The following HIPK2 variants were observed in gnomAD, a reference collection of about 807,000 sequenced individuals.
HIPK2 encodes homeodomain interacting protein kinase 2.
Under a neutral mutation model 113.7 loss-of-function variants are expected in HIPK2, and 27 were observed. The ratio of observed to expected loss-of-function variants is 0.24; its 90% CI spans 0.17 to 0.33. HIPK2 has a LOEUF of 0.33. HIPK2 is among the 10% of genes least tolerant of loss of function. The pLI, the probability that HIPK2 is intolerant of heterozygous loss-of-function variation, is 1.00. For synonymous variants in HIPK2, 631 were observed against 642.2 expected (o/e 0.98, Z 0.26); for missense variants, 1,257 against 1,588.0 (o/e 0.79, Z 3.54).
intron 1 of HIPK2, among the ~76,000 whole-genome samples, chr7:139,749,501 G>A (rs1181378925): frequency 3.3e-5 from 5 of 152,204 alleles, no homozygotes; most frequent in Non-Finnish European, 7.3e-5. Flanking sequence ...TTACCCTGCT[G>A]GAAAATGCAG....
At chr7:139,682,157 C>T (rs1802724950) in intron 2 of HIPK2, among the ~76,000 whole-genome samples, 1 of 152,164 alleles carries the variant, frequency 6.6e-6, no homozygotes, top group Non-Finnish European at 1.5e-5. Context: ...GAAGGAAAAC[C>T]CCCTCTATTG....
intron 1 of HIPK2, among the ~76,000 whole-genome samples, chr7:139,749,650 G>C (rs889575895): frequency 1.3e-5 from 2 of 152,182 alleles, no homozygotes; most frequent in Non-Finnish European, 2.9e-5. Flanking sequence ...TATTATCCTC[G>C]TTTGCTGGGA....
intron 13 of HIPK2, among the ~76,000 whole-genome samples, chr7:139,577,366 G>C (rs1471143805): frequency 6.6e-6 from 1 of 152,054 alleles, no homozygotes; most frequent in African/African-American, 2.4e-5. Context: ...GGCCAGGCTG[G>C]TCTCAAACTC....
intron 13 of HIPK2, among the ~76,000 whole-genome samples, chr7:139,577,186 T>C (rs1798521180): frequency 6.7e-6 from 1 of 148,812 alleles, no homozygotes; most frequent in Non-Finnish European, 1.5e-5. Flanking sequence ...TTCACTCTTG[T>C]TGCCCAGGCT....
chr7:139,720,168 C>T (rs942194676), intron 1 of HIPK2, among the ~76,000 whole-genome samples: 9 of 152,218 alleles, frequency 5.9e-5, no homozygotes, highest in African/African-American at 2.2e-4. Flanking sequence ...CCTGGCATGC[C>T]TTTGCTGCTT....
chr7:139,613,096 A>C lies in HIPK2; in HGVS notation c.2112+106T>G. The C allele has an allele frequency of 7.5e-7, 1 of 1,328,674 alleles. No individual in the cohort carries two copies. The highest frequency in any genetic ancestry group is 1.0e-6 in the Non-Finnish European group (1 of 962,408). 82.3% of individuals were successfully genotyped at this position (1,328,674 alleles called of 1,614,324 possible). A position where few individuals can be genotyped will look rare whatever the true frequency, so the allele number is the denominator to read the frequency against. On this transcript the variant is annotated intron_variant, in intron 9 of 14. Coordinates refer to ENST00000406875, the MANE Select transcript of HIPK2 (RefSeq NM_022740.5). The surrounding 1 kb of genome is among the most constrained non-coding windows in gnomAD (Gnocchi z 4.2). ...CAGATACATTCCAATGACTAGAAGC[A>C]CCTAACTCATTACTAGGGAGAGAGG...
At chr7:139,586,408 T>C (rs1463531454) in intron 12 of HIPK2, among the ~76,000 whole-genome samples, 1 of 152,060 alleles carries the variant, frequency 6.6e-6, no homozygotes, top group Non-Finnish European at 1.5e-5. Context: ...ACGACCCGAG[T>C]GTCCATCAGC....
intron 2 of HIPK2, among the ~76,000 whole-genome samples, chr7:139,636,924 C>T (rs73156864): frequency 0.048 from 7,280 of 152,284 alleles, 254 homozygotes; most frequent in Admixed American, 0.12. Flanking sequence ...CAATTCCACA[C>T]GTCTAGAAGG....
intron 1 of HIPK2, among the ~76,000 whole-genome samples, chr7:139,728,702 C>T (rs1585429023): frequency 1.3e-5 from 2 of 152,106 alleles, no homozygotes; most frequent in East Asian, 3.8e-4. Context: ...CACAATTCAA[C>T]CCATAACAAT....
chr7:139,775,037 G>A (rs189328949), intron 1 of HIPK2, among the ~76,000 whole-genome samples: 64 of 152,180 alleles, frequency 4.2e-4, no homozygotes, highest in African/African-American at 1.5e-3. Context: ...AATGTATCTG[G>A]GCCTTCACCT....
intron 12 of HIPK2, among the ~76,000 whole-genome samples, chr7:139,586,493 G>C (rs548416500): frequency 2.0e-5 from 3 of 152,260 alleles, no homozygotes; most frequent in African/African-American, 7.2e-5. Flanking sequence ...TGAATGCTGG[G>C]AGGGGTGGCT....
chr7:139,563,549 GAAC>G lies in HIPK2; in HGVS notation c.*9375_*9377del. 1 of 312,170 alleles carries G rather than the reference GAAC, an allele frequency of 3.2e-6. No individual in the cohort carries two copies. The highest frequency in any genetic ancestry group is 5.8e-6 in the Non-Finnish European group (1 of 172,902). The allele number at this position is 312,170 out of a possible 1,614,324, so 19.3% of individuals were successfully genotyped here. A position where few individuals can be genotyped will look rare whatever the true frequency, so the allele number is the denominator to read the frequency against. Reference sequence around the variant, plus strand: ...GATACAACATACTTACTTTTCAAATGAACAAAAGGCAATTTCTATGTTTTAAAA... The same window carrying G: ...GATACAACATACTTACTTTTCAAATGAAAAGGCAATTTCTATGTTTTAAAA... On this transcript the variant is annotated 3_prime_UTR_variant, in exon 15 of 15. Transcript: ENST00000406875.
At chr7:139,746,998 A>T (rs755273172) in intron 1 of HIPK2, among the ~76,000 whole-genome samples, 7 of 152,196 alleles carry the variant, frequency 4.6e-5, no homozygotes, top group Non-Finnish European at 8.8e-5. Context: ...GCAATTTTTA[A>T]ATTATACCAC....
chr7:139,660,289 A>T (rs1342475328), intron 2 of HIPK2, among the ~76,000 whole-genome samples: 8 of 151,966 alleles, frequency 5.3e-5, no homozygotes, highest in East Asian at 3.9e-4. Flanking sequence ...AAAACAACCA[A>T]TTTTTTGTTG....
chr7:139,673,132 A>C (rs1012817316), intron 2 of HIPK2, among the ~76,000 whole-genome samples: 22 of 147,950 alleles, frequency 1.5e-4, no homozygotes, highest in African/African-American at 5.0e-4. Flanking sequence ...AAAAGATGGG[A>C]GGGAAGATGG....
chr7:139,691,493 A>C (rs1480366981), intron 2 of HIPK2, among the ~76,000 whole-genome samples: 1 of 152,226 alleles, frequency 6.6e-6, no homozygotes, highest in African/African-American at 2.4e-5. Flanking sequence ...CCCAAGAGTA[A>C]TATGTGGCTT....
At chr7:139,616,799 C>G (rs1463938361) in intron 7 of HIPK2, among the ~76,000 whole-genome samples, 1 of 152,214 alleles carries the variant, frequency 6.6e-6, no homozygotes, top group East Asian at 1.9e-4. Context: ...TGTTTTCCTC[C>G]AGCCTGCAGT....
At chr7:139,600,674 C>T in intron 10 of HIPK2, 78 bp from the exon 11 acceptor site, 6 of 1,489,720 alleles carry the variant, frequency 4.0e-6, no homozygotes, top group Non-Finnish European at 5.5e-6. Context: ...AAGCTTCCTC[C>T]CCAATTAAAC....
Position 139,654,695 on chromosome 7 carries a change from A to G in HIPK2, c.1104-22970T>C, listed in dbSNP as rs956803478. ...TGGCGGGGTTGCAGTCAGTAGCAAG[A>G]TAACAAAACTCAGATGGGAAGGACA... is the stretch of plus-strand genomic sequence containing the variant. On this transcript the variant is annotated intron_variant, in intron 2 of 14. Coordinates refer to ENST00000406875, the MANE Select transcript of HIPK2 (RefSeq NM_022740.5). Among the ~76,000 whole-genome samples the G allele has an allele frequency of 2.6e-5, 4 of 152,280 alleles. No homozygotes were observed. In the East Asian group the frequency reaches 5.8e-4, roughly 22 times the overall value.
Sources: gnomAD v4.1 joint callset for allele counts (sites outside exome capture counted in the v4.1 genomes callset) on GRCh38, gnomAD v4.1.1 for gene constraint, Gnocchi (gnomAD v3.1) non-coding constraint, MANE v1.5 for transcripts, NCBI Gene and HGNC (gene_info 2026-07-23, HGNC 2026-07-21) for gene names.